The following TRPM2 variants were observed in gnomAD, a reference collection of about 807,000 sequenced individuals.
TRPM2 encodes estrogen-responsive element-associated gene 1 protein.
Under a neutral mutation model 174.0 loss-of-function variants are expected in TRPM2, and 161 were observed. The observed-to-expected ratio is 0.93, with a 90% CI of 0.81 to 1.05. TRPM2 has a LOEUF of 1.05. Ranked by LOEUF, TRPM2 falls within the 50% of genes least tolerant of loss-of-function variation. The pLI, the probability that TRPM2 is intolerant of heterozygous loss-of-function variation, is 0.00. For synonymous variants in TRPM2, 954 were observed against 861.3 expected (o/e 1.11, Z -1.88); for missense variants, 2,057 against 2,038.0 (o/e 1.01, Z -0.18).
In TRPM2 at chr21:44,440,882, G is replaced by T; in HGVS notation, c.4363G>T (p.Val1455Leu). The T allele has an allele frequency of 6.2e-7, 1 of 1,613,910 alleles. No homozygotes were observed. The highest frequency in any genetic ancestry group is 8.5e-7 in the Non-Finnish European group (1 of 1,179,950). ...VSVHFQDQND[V>L]ELNRLNSNLH... is the part of the protein sequence containing the mutation. ...CGTCCACTTCCAGGACCAGAATGAC[G>T]TGGAGCTGAACAGGCTGAACTCTGT... The change falls in exon 31 of 32, where the codon GTG (valine) becomes TTG (leucine). Residue 1455 changes from valine (V) to leucine (L), a missense_variant. Val to Leu is a conservative substitution (Grantham distance 32). Transcript: ENST00000397928.
chr21:44,424,618 C>T (rs769243351), intron 23 of TRPM2, among the ~76,000 whole-genome samples: 9 of 152,198 alleles, frequency 5.9e-5, no homozygotes, highest in African/African-American at 1.2e-4. Context: ...GAGGCTGCAC[C>T]ATCAGATGTG....
In TRPM2 at chr21:44,440,828, A is replaced by G; in HGVS notation, c.4309A>G (p.Asn1437Asp). Reference protein sequence around the residue: ...GYMDDPRNTDNAWIETVAVSV... With the variant: ...GYMDDPRNTDDAWIETVAVSV... ...CATGGATGACCCGAGGAACACGGAC[A>G]ATGCCTGGATCGAGACGGTGGCCGT... The change falls in exon 31 of 32, where the codon AAT becomes GAT. Residue 1437 changes from asparagine to aspartate, a missense_variant. Transcript: ENST00000397928. The G allele has an allele frequency of 6.2e-7, 1 of 1,613,966 alleles. No individual in the cohort carries two copies. Among genetic ancestry groups the G allele is most frequent in the Non-Finnish European group, 8.5e-7 (1 of 1,179,972 alleles).
intron 27 of TRPM2, among the ~76,000 whole-genome samples, chr21:44,433,478 G>A (rs567079093): frequency 2.0e-5 from 3 of 152,358 alleles, no homozygotes; most frequent in Middle Eastern, 3.4e-3. Flanking sequence ...GGTTCTGCCC[G>A]CTCAGTGGCG....
chr21:44,426,655 G>T lies in TRPM2; in HGVS notation c.3796-5G>T. On this transcript the variant is annotated splice_region_variant and splice_polypyrimidine_tract_variant and intron_variant, in intron 25 of 31. Transcript: ENST00000397928. ...TCTGAGGGAAAACTCCCTGTTTTGC[G>T]ACAGACGGAGTTCCTGATCTATGAC... The T allele has an allele frequency of 6.2e-7, 1 of 1,614,160 alleles. No individual in the cohort carries two copies. Among genetic ancestry groups the T allele is most frequent in the South Asian group, 1.1e-5 (1 of 91,078 alleles).
intron 22 of TRPM2, among the ~76,000 whole-genome samples, chr21:44,419,570 G>C (rs1433927111): frequency 1.3e-5 from 2 of 148,724 alleles, no homozygotes; most frequent in East Asian, 2.0e-4. Flanking sequence ...GATGGTGGTG[G>C]TGGTGATGGT....
At chr21:44,406,827 A>C in intron 19 of TRPM2, 62 bp downstream of exon 19, 2 of 1,542,344 alleles carry the variant, frequency 1.3e-6, no homozygotes, top group East Asian at 2.4e-5. Context: ...AGAGGCTGGA[A>C]AGGGGCCGCA....
chr21:44,440,011 C>T (rs779388343), intron 30 of TRPM2, among the ~76,000 whole-genome samples: 3 of 151,778 alleles, frequency 2.0e-5, no homozygotes, highest in Admixed American at 6.6e-5. Flanking sequence ...TGAGCCACTG[C>T]GCCCAGCCCT....
intron 7 of TRPM2, among the ~76,000 whole-genome samples, chr21:44,378,623 G>A (rs1357196702): frequency 6.6e-6 from 1 of 152,200 alleles, no homozygotes; most frequent in Non-Finnish European, 1.5e-5. Context: ...AGCACACCCT[G>A]GAGCCCAGGT....
intron 27 of TRPM2, among the ~76,000 whole-genome samples, chr21:44,427,945 C>T (rs145577124): frequency 0.01 from 1,537 of 152,150 alleles, 13 homozygotes; most frequent in Middle Eastern, 0.048. Flanking sequence ...GAGGTGCATC[C>T]GGTGGCTATG....
chr21:44,388,803 C>G (rs1350196677), intron 9 of TRPM2, among the ~76,000 whole-genome samples: 1 of 152,068 alleles, frequency 6.6e-6, no homozygotes, highest in African/African-American at 2.4e-5. Flanking sequence ...GCACTGTGCT[C>G]CAGCCTGGGT....
chr21:44,366,262 G>A lies in TRPM2; in HGVS notation c.424-492G>A, dbSNP rs536921737. On this transcript the variant is annotated intron_variant, in intron 3 of 31. Transcript: ENST00000397928. The surrounding 1 kb of genome is among the most constrained non-coding windows in gnomAD (Gnocchi z 6.0). The stretch of plus-strand genomic sequence containing the variant: ...CAGAGCAGAGGGGATAGGGCAGAGG[G>A]GACAGGAGAGGGGACAGGAGAGGGG... Among the ~76,000 whole-genome samples, 27 of 85,296 alleles carry A rather than the reference G, an allele frequency of 3.2e-4. No individual in the cohort carries two copies. Among genetic ancestry groups the A allele is most frequent in the African/African-American group, 1.3e-3 (24 of 19,002 alleles). 56.0% of individuals were successfully genotyped at this position (85,296 alleles called of 152,430 possible).
intron 19 of TRPM2, among the ~76,000 whole-genome samples, chr21:44,408,892 G>A (rs978807333): frequency 4.0e-5 from 6 of 151,836 alleles, no homozygotes; most frequent in African/African-American, 9.7e-5. Flanking sequence ...TCCTGACCTC[G>A]TGATCCACCC....
At chr21:44,373,386 C>T (rs2048597821) in intron 5 of TRPM2, among the ~76,000 whole-genome samples, 1 of 152,144 alleles carries the variant, frequency 6.6e-6, no homozygotes, top group Non-Finnish European at 1.5e-5. Flanking sequence ...AGGGTTTCTC[C>T]ATGTTGGCCA....
chr21:44,392,498 TC>T (rs1487967831), intron 11 of TRPM2, among the ~76,000 whole-genome samples: 1 of 151,556 alleles, frequency 6.6e-6, no homozygotes, highest in Non-Finnish European at 1.5e-5. Flanking sequence ...ACTCCGGGGC[TC>T]AAGTGATCCT....
In TRPM2 at chr21:44,426,692, C is replaced by A. The variant is rs773372135; in HGVS notation, c.3828C>A (p.Tyr1276Ter). ...TCCTGATCTATGACCCACCCTTTTA[C>A]ACGGCAGAGAGGAAGGACGCGGCCG... ...TEFLIYDPPF[Y>*]TAERKDAAAM... The change falls in exon 26 of 32, where the codon TAC becomes TAA. Residue 1276 changes from tyrosine to a stop codon, truncating the protein, a stop_gained. Transcript: ENST00000397928. LOFTEE classifies it high-confidence loss of function. 4 of 1,614,180 alleles carry A rather than the reference C, an allele frequency of 2.5e-6. No homozygotes were observed. Among genetic ancestry groups the A allele is most frequent in the Admixed American group, 3.3e-5 (2 of 60,030 alleles).
chr21:44,396,957 AG>A (rs1180382137), intron 12 of TRPM2, among the ~76,000 whole-genome samples: 1 of 140,070 alleles, frequency 7.1e-6, no homozygotes, highest in Non-Finnish European at 1.5e-5. Context: ...GAGGCTGTGG[AG>A]GGTTGTGGGC....
intron 9 of TRPM2, among the ~76,000 whole-genome samples, chr21:44,384,608 C>A (rs1237246986): frequency 6.6e-6 from 1 of 152,172 alleles, no homozygotes; most frequent in African/African-American, 2.4e-5. Context: ...TAATGGATCA[C>A]CTCTATTAGG....
chr21:44,353,837 TAC>T lies in TRPM2; in HGVS notation c.139_140del (p.Gln47ValfsTer7). The stretch of plus-strand genomic sequence containing the variant: ...AGCAGCCTCTTCAAGAGCTGGAGGC[TAC>T]AGTGCCCCTTCGGCAACAATGACAA... On this transcript the variant is annotated frameshift_variant, in exon 1 of 32. Coordinates refer to ENST00000397928, the MANE Select transcript of TRPM2 (RefSeq NM_003307.4). LOFTEE classifies it high-confidence loss of function. 1 of 1,600,778 alleles carries T rather than the reference TAC, an allele frequency of 6.2e-7. No individual in the cohort carries two copies. The highest frequency in any genetic ancestry group is 8.5e-7 in the Non-Finnish European group (1 of 1,174,656).
chr21:44,406,632 G>T lies in TRPM2; in HGVS notation c.2829G>T (p.Val943=). The T allele has an allele frequency of 1.2e-6, 2 of 1,610,954 alleles. No homozygotes were observed. The highest frequency in any genetic ancestry group is 1.1e-5 in the South Asian group (1 of 91,022). The change falls in exon 19 of 32, where the codon GTG becomes GTT. Residue 943 remains valine, a synonymous_variant. Coordinates refer to ENST00000397928, the MANE Select transcript of TRPM2 (RefSeq NM_003307.4). ...TCTTCTTCCTCTTCCTGCTGGCTGT[G>T]TGGGTGGTGTCCTTCGGGGTGGCCA... ...DVFFFLFLLA[V]WVVSFGVAKQ...
Sources: gnomAD v4.1 joint callset for allele counts (sites outside exome capture counted in the v4.1 genomes callset) on GRCh38, gnomAD v4.1.1 for gene constraint, Gnocchi (gnomAD v3.1) non-coding constraint, MANE v1.5 for transcripts, NCBI Gene and HGNC (gene_info 2026-07-23, HGNC 2026-07-21) for gene names.